The following ADD2 variants were observed in gnomAD, a reference collection of about 807,000 sequenced individuals.
ADD2 encodes beta-adducin.
In ADD2, 23 loss-of-function variants were observed where a neutral mutation model predicts 83.0. That is an observed-to-expected ratio of 0.28 (90% confidence interval 0.20 to 0.39). The LOEUF (loss-of-function observed/expected upper bound fraction) is 0.39, where lower values mean the gene tolerates loss of function less well. Ranked by LOEUF, ADD2 falls within the 10% of genes least tolerant of loss-of-function variation. The pLI, the probability that ADD2 is intolerant of heterozygous loss-of-function variation, is 1.00. For missense variants in ADD2, 758 were observed against 944.9 expected (o/e 0.80, Z 2.59); for synonymous variants, 375 against 375.4 (o/e 1.00, Z 0.01).
At chr2:70,679,906 T>G (rs908865481) in intron 10 of ADD2, among the ~76,000 whole-genome samples, 19 of 152,216 alleles carry the variant, frequency 1.2e-4, no homozygotes, top group African/African-American at 4.6e-4. Flanking sequence ...TTTCTATTGA[T>G]GTTTCTGTTT....
intron 4 of ADD2, among the ~76,000 whole-genome samples, chr2:70,698,397 G>T (rs1671416958): frequency 6.6e-6 from 1 of 152,216 alleles, no homozygotes; most frequent in Middle Eastern, 3.2e-3. Context: ...GGGCTCAAAA[G>T]GAGCTCCCGA....
intron 1 of ADD2, among the ~76,000 whole-genome samples, chr2:70,766,776 T>G (rs1675404546): frequency 6.6e-6 from 1 of 152,194 alleles, no homozygotes; most frequent in South Asian, 2.1e-4. Flanking sequence ...TTTAGGAAAC[T>G]GAGATTTGAT....
intron 1 of ADD2, among the ~76,000 whole-genome samples, chr2:70,749,747 T>G (rs1674413482): frequency 6.6e-6 from 1 of 152,010 alleles, no homozygotes. Context: ...GGAAATGGAG[T>G]AGCTGCAAAC....
At chr2:70,750,480 G>A (rs1416666001) in intron 1 of ADD2, among the ~76,000 whole-genome samples, 2 of 152,140 alleles carry the variant, frequency 1.3e-5, no homozygotes, top group African/African-American at 4.8e-5. Context: ...ATCCTTATAA[G>A]GAATGGGAAG....
intron 1 of ADD2, among the ~76,000 whole-genome samples, chr2:70,745,472 A>C (rs1487929743): frequency 6.6e-6 from 1 of 152,138 alleles, no homozygotes; most frequent in South Asian, 2.1e-4. Context: ...GAGTGTGAAC[A>C]TTGTACTTAG....
In ADD2 at chr2:70,768,037, A is replaced by G; in HGVS notation, c.-305T>C. On this transcript the variant is annotated 5_prime_UTR_variant, in exon 1 of 16. Coordinates refer to ENST00000264436, the MANE Select transcript of ADD2 (RefSeq NM_001617.4). ...CCATGCTGCAGCCCGCGCTCGTCAG[A>G]GCTGCTGGGAGATCCCCCAGCAGTG... 6.9e-7 allele frequency: 1 copy of G among 1,450,634 alleles called. No homozygotes were observed. Among genetic ancestry groups the G allele is most frequent in the Non-Finnish European group, 9.2e-7 (1 of 1,084,422 alleles). The allele number at this position is 1,450,634 out of a possible 1,614,324, so 89.9% of individuals were successfully genotyped here.
chr2:70,663,639 T>C lies in ADD2; in HGVS notation c.1967A>G (p.Gln656Arg). ...TTTGCTGAGGATTTCCTCTGCCGTC[T>C]GCTCCTCCTCCCTCCCGTTGACCAC... is the stretch of plus-strand genomic sequence containing the variant. ...GVVVNGREEE[Q>R]TAEEILSKGL... is the part of the protein sequence containing the mutation. The change falls in exon 16 of 16, where the codon CAG becomes CGG. Residue 656 changes from glutamine (Q) to arginine (R), a missense_variant. By Grantham distance (43) the Gln-to-Arg change is conservative. Transcript: ENST00000264436. 6 of 1,614,134 alleles carry C rather than the reference T, an allele frequency of 3.7e-6. No homozygotes were observed. Among genetic ancestry groups the C allele is most frequent in the Non-Finnish European group, 5.1e-6 (6 of 1,180,024 alleles).
At chr2:70,684,352 A>G (rs966263179) in intron 9 of ADD2, among the ~76,000 whole-genome samples, 1 of 152,148 alleles carries the variant, frequency 6.6e-6, no homozygotes, top group African/African-American at 2.4e-5. Context: ...GGCTTCAGCT[A>G]TCCTCCCACC....
At chr2:70,750,979 G>A (rs1196945984) in intron 1 of ADD2, among the ~76,000 whole-genome samples, 6 of 152,064 alleles carry the variant, frequency 3.9e-5, no homozygotes, top group Admixed American at 2.0e-4. Flanking sequence ...TTCCTGTCAC[G>A]TTTCCTTGAA....
chr2:70,689,382 A>T (rs116159348), intron 8 of ADD2, among the ~76,000 whole-genome samples: 1 of 152,382 alleles, frequency 6.6e-6, no homozygotes, highest in African/African-American at 2.4e-5. Flanking sequence ...ATCTGTCTCC[A>T]GGCAGAGCCT....
intron 10 of ADD2, among the ~76,000 whole-genome samples, chr2:70,682,342 G>A (rs545137203): frequency 2.0e-5 from 3 of 152,160 alleles, no homozygotes; most frequent in South Asian, 2.1e-4. Flanking sequence ...ATCTAGTCGC[G>A]GTGCTTTCTT....
At chr2:70,682,480 C>A in intron 10 of ADD2, among the ~76,000 whole-genome samples, 1 of 152,204 alleles carries the variant, frequency 6.6e-6, no homozygotes, top group Middle Eastern at 3.4e-3. Flanking sequence ...TTTGGAGGAA[C>A]TGAAGACAGG....
chr2:70,664,575 C>A (rs1675680616), intron 15 of ADD2, among the ~76,000 whole-genome samples: 1 of 152,212 alleles, frequency 6.6e-6, no homozygotes, highest in Non-Finnish European at 1.5e-5. Flanking sequence ...TATCTGATGC[C>A]TCTCCTCCCC....
chr2:70,732,790 A>G (rs1029448892), intron 1 of ADD2, among the ~76,000 whole-genome samples: 1 of 152,206 alleles, frequency 6.6e-6, no homozygotes, highest in Non-Finnish European at 1.5e-5. Flanking sequence ...AAGGAAACAA[A>G]GGAACTGTTT....
In ADD2 at chr2:70,706,425, C is replaced by CA. The variant is rs1671907042; in HGVS notation, c.-18dup. The CA allele has an allele frequency of 6.3e-7, 1 of 1,595,746 alleles. No individual in the cohort carries two copies. The highest frequency in any genetic ancestry group is 1.3e-5 in the African/African-American group (1 of 74,606). On this transcript the variant is annotated 5_prime_UTR_variant, in exon 3 of 16. Coordinates refer to ENST00000264436, the MANE Select transcript of ADD2 (RefSeq NM_001617.4). This position sits in a 1 kb window ranked among gnomAD's most constrained non-coding sequence, Gnocchi z 5.0. ...TTCGCTCATTTTCCCGGTGGGTTTG[C>CA]AATTCGCTCCTGGAACTCTACAGAG... is the stretch of plus-strand genomic sequence containing the variant.
rs567888515 is a variant in ADD2 at position 70,720,350 on chromosome 2, T to TG, written c.-153-7167dup. ...AGGGTGGGAGGTCTAAAGGCTCACATGGGGAACTGCTGGCCTCCGGAATCT... is the reference window on the plus strand; with the variant it reads ...AGGGTGGGAGGTCTAAAGGCTCACATGGGGGAACTGCTGGCCTCCGGAATCT... On this transcript the variant is annotated intron_variant, in intron 1 of 15. Transcript: ENST00000264436. Among the ~76,000 whole-genome samples the TG allele has an allele frequency of 2.6e-4, 40 of 151,878 alleles. No individual in the cohort carries two copies. In the South Asian group the frequency reaches 7.9e-3, roughly 30 times the overall value.
intron 1 of ADD2, among the ~76,000 whole-genome samples, chr2:70,756,976 GCC>G (rs1674829389): frequency 6.6e-6 from 1 of 152,040 alleles, no homozygotes; most frequent in Non-Finnish European, 1.5e-5. Flanking sequence ...TTACAGGCAT[GCC>G]CCACCACACC....
At chr2:70,684,540 T>C (rs569073328) in intron 9 of ADD2, among the ~76,000 whole-genome samples, 1 of 152,324 alleles carries the variant, frequency 6.6e-6, no homozygotes, top group South Asian at 2.1e-4. Context: ...TGAACCACCA[T>C]TGCTGACCTC....
intron 1 of ADD2, among the ~76,000 whole-genome samples, chr2:70,763,082 T>C (rs1675202059): frequency 6.6e-6 from 1 of 152,040 alleles, no homozygotes; most frequent in Admixed American, 6.5e-5. Context: ...TTAAAATAAA[T>C]TTGAATAACA....
Sources: gnomAD v4.1 joint callset for allele counts (sites outside exome capture counted in the v4.1 genomes callset) on GRCh38, gnomAD v4.1.1 for gene constraint, Gnocchi (gnomAD v3.1) non-coding constraint, MANE v1.5 for transcripts, NCBI Gene and HGNC (gene_info 2026-07-23, HGNC 2026-07-21) for gene names.